MYO1E: variants seen among roughly 807,000 people sequenced by gnomAD.
The protein encoded by MYO1E is unconventional myosin-Ie.
Under a neutral mutation model 151.1 loss-of-function variants are expected in MYO1E, and 68 were observed. The ratio of observed to expected loss-of-function variants is 0.45; its 90% CI spans 0.37 to 0.55. MYO1E has a LOEUF of 0.55. MYO1E is among the 20% of genes least tolerant of loss of function. The pLI is 0.00. For synonymous variants in MYO1E, 601 were observed against 501.7 expected (o/e 1.20, Z -2.64); for missense variants, 1,363 against 1,389.3 (o/e 0.98, Z 0.30).
intron 9 of MYO1E, among the ~76,000 whole-genome samples, chr15:59,220,632 A>T (rs2079948661): frequency 6.6e-6 from 1 of 152,138 alleles, no homozygotes; most frequent in South Asian, 2.1e-4. Flanking sequence ...TCCCTCTACA[A>T]ATTTATTCCA....
At position 59,136,605 on chromosome 15, in the gene MYO1E, A is replaced by G; in HGVS notation, c.*775T>C. On this transcript the variant is annotated 3_prime_UTR_variant, in exon 28 of 28. Coordinates refer to ENST00000288235, the MANE Select transcript of MYO1E (RefSeq NM_004998.4). Reference sequence around the variant, plus strand: ...TCATACATGTTTCTACCATCTCAAGATTTTTATATATACAGTATATGATCT... The same window carrying G: ...TCATACATGTTTCTACCATCTCAAGGTTTTTATATATACAGTATATGATCT... 1 of 419,802 alleles carries G rather than the reference A, an allele frequency of 2.4e-6. No homozygotes were observed. Among genetic ancestry groups the G allele is most frequent in the Non-Finnish European group, 4.8e-6 (1 of 206,730 alleles). 26.0% of individuals were successfully genotyped at this position (419,802 alleles called of 1,614,324 possible). A position where few individuals can be genotyped will look rare whatever the true frequency, so the allele number is the denominator to read the frequency against.
At chr15:59,370,925 A>G (rs2080940737) in intron 1 of MYO1E, among the ~76,000 whole-genome samples, 1 of 152,184 alleles carries the variant, frequency 6.6e-6, no homozygotes, top group South Asian at 2.1e-4. Context: ...TCAAGGGACC[A>G]GGTGCCCAGT....
Position 59,224,648 on chromosome 15 carries a change from T to C in MYO1E, c.777+41A>G, listed in dbSNP as rs371368875. The C allele has an allele frequency of 1.1e-5, 18 of 1,613,564 alleles. No individual in the cohort carries two copies. The East Asian group carries it at 1.6e-4, about 14-fold the overall frequency. The stretch of plus-strand genomic sequence containing the variant: ...CCTTTTGGCCACAGGAAATGGCCAG[T>C]TGGGAGAGCAGATCCTGCCTGGCCC... On this transcript the variant is annotated intron_variant, in intron 8 of 27. Transcript: ENST00000288235.
chr15:59,340,562 G>A (rs1352401946), intron 1 of MYO1E, among the ~76,000 whole-genome samples: 2 of 152,156 alleles, frequency 1.3e-5, no homozygotes, highest in Admixed American at 1.3e-4. Flanking sequence ...AATAACAGTA[G>A]CATCAAATGA....
rs1270744817 is a variant in MYO1E at position 59,158,273 on chromosome 15, CG to C, written c.2878+13del. The C allele has an allele frequency of 6.5e-6, 10 of 1,544,396 alleles. No individual in the cohort carries two copies. The African/African-American group carries it at 1.1e-4, about 17-fold the overall frequency. ...GATTTAGTGGTCCCAGACTACGGTACGTAGCTGGCTTACCTGGGGGAGGAGG... is the reference window on the plus strand; with the variant it reads ...GATTTAGTGGTCCCAGACTACGGTACTAGCTGGCTTACCTGGGGGAGGAGG... On this transcript the variant is annotated intron_variant, in intron 25 of 27. Transcript: ENST00000288235.
intron 18 of MYO1E, among the ~76,000 whole-genome samples, chr15:59,181,186 C>T (rs563261556): frequency 5.9e-5 from 9 of 152,296 alleles, no homozygotes; most frequent in African/African-American, 1.9e-4. Flanking sequence ...TGAAGTGGAA[C>T]GCCTTTGCTG....
At chr15:59,343,699 CTTTT>C (rs756277898) in intron 1 of MYO1E, among the ~76,000 whole-genome samples, 1 of 151,754 alleles carries the variant, frequency 6.6e-6, no homozygotes, top group Non-Finnish European at 1.5e-5. Context: ...CTTTTTTATT[CTTTT>C]TTCTTTTGTC....
At chr15:59,151,044 CACACA>C (rs2079473794) in intron 26 of MYO1E, among the ~76,000 whole-genome samples, 1 of 131,820 alleles carries the variant, frequency 7.6e-6, no homozygotes, top group African/African-American at 3.8e-5. Context: ...CACACACACA[CACACA>C]CGCGCGCGCG....
intron 2 of MYO1E, among the ~76,000 whole-genome samples, chr15:59,269,884 C>T (rs915011788): frequency 6.6e-6 from 1 of 151,892 alleles, no homozygotes; most frequent in Non-Finnish European, 1.5e-5. Context: ...GCACAGGTAT[C>T]TGGAGCAGAA....
intron 11 of MYO1E, 74 bp downstream of exon 11, chr15:59,214,566 C>A: frequency 7.5e-7 from 1 of 1,335,360 alleles, no homozygotes; most frequent in Non-Finnish European, 1.1e-6. Context: ...TTTTGCATTG[C>A]CTAGAATTAT....
chr15:59,154,777 T>C (rs570514328), intron 25 of MYO1E, among the ~76,000 whole-genome samples: 134 of 152,336 alleles, frequency 8.8e-4, no homozygotes, highest in Middle Eastern at 3.4e-3. Context: ...AGAATCTGCT[T>C]GGTGGCTTCC....
chr15:59,134,496 CCTCT>C lies in MYO1E; in HGVS notation c.*2880_*2883del, dbSNP rs1209432977. The C allele has an allele frequency of 3.9e-5, 6 of 152,338 alleles. No individual in the cohort carries two copies. Among genetic ancestry groups the C allele is most frequent in the East Asian group, 1.9e-4 (1 of 5,190 alleles). The allele number at this position is 152,338 out of a possible 1,614,324, so 9.4% of individuals were successfully genotyped here. A position where few individuals can be genotyped will look rare whatever the true frequency, so the allele number is the denominator to read the frequency against. On this transcript the variant is annotated 3_prime_UTR_variant, in exon 28 of 28. Transcript: ENST00000288235. ...TTTGATCCCAGGAGTTTCAGATCAG[CCTCT>C]CTCTGTCTCACAGACGGCCATCAGT... is the stretch of plus-strand genomic sequence containing the variant.
chr15:59,261,990 T>G (rs944896676), intron 2 of MYO1E, among the ~76,000 whole-genome samples: 4 of 152,002 alleles, frequency 2.6e-5, no homozygotes, highest in Admixed American at 2.0e-4. Context: ...TCATTTGAGG[T>G]CAGGAGCTCG....
At chr15:59,235,957 A>C (rs530167350) in intron 5 of MYO1E, among the ~76,000 whole-genome samples, 1 of 152,218 alleles carries the variant, frequency 6.6e-6, no homozygotes, top group Admixed American at 6.5e-5. Flanking sequence ...TGAGTAATTT[A>C]TATTTCCTTT....
chr15:59,303,985 T>TC (rs1250580026), intron 1 of MYO1E, among the ~76,000 whole-genome samples: 5 of 148,234 alleles, frequency 3.4e-5, no homozygotes, highest in African/African-American at 7.3e-5. Context: ...TTTCTTTCTT[T>TC]TTTTTTTTTT....
At chr15:59,176,612 C>T (rs562923542) in intron 19 of MYO1E, among the ~76,000 whole-genome samples, 4 of 152,052 alleles carry the variant, frequency 2.6e-5, no homozygotes, top group Non-Finnish European at 4.4e-5. Flanking sequence ...CAGGCGTGTA[C>T]CACCACACCC....
intron 24 of MYO1E, among the ~76,000 whole-genome samples, chr15:59,160,340 T>C (rs935010501): frequency 1.2e-4 from 13 of 112,564 alleles, no homozygotes; most frequent in East Asian, 9.8e-4. Flanking sequence ...GTAGTGCGTG[T>C]GTGTGTGTGT....
At position 59,350,054 on chromosome 15, in the gene MYO1E, T is replaced by C. The variant is rs1193138735; in HGVS notation, c.3+22444A>G. On this transcript the variant is annotated intron_variant, in intron 1 of 27. Coordinates refer to ENST00000288235, the MANE Select transcript of MYO1E (RefSeq NM_004998.4). This position sits in a 1 kb window ranked among gnomAD's most constrained non-coding sequence, Gnocchi z 5.0. ...GTGGTGCGTTACATAGTCCCAATGGTGGTATCTAAGGCATTTTATAATTTT... is the reference window on the plus strand; with the variant it reads ...GTGGTGCGTTACATAGTCCCAATGGCGGTATCTAAGGCATTTTATAATTTT... 6.6e-6 allele frequency among the ~76,000 whole-genome samples: 1 copy of C among 152,176 alleles called. No homozygotes were observed. Among genetic ancestry groups the C allele is most frequent in the Non-Finnish European group, 1.5e-5 (1 of 68,030 alleles).
intron 26 of MYO1E, among the ~76,000 whole-genome samples, chr15:59,151,820 G>C (rs575684404): frequency 6.6e-5 from 10 of 152,040 alleles, no homozygotes; most frequent in Non-Finnish European, 1.2e-4. Flanking sequence ...GGCCAAGGCG[G>C]GTGGATCACG....
Sources: gnomAD v4.1 joint callset for allele counts (sites outside exome capture counted in the v4.1 genomes callset) on GRCh38, gnomAD v4.1.1 for gene constraint, Gnocchi (gnomAD v3.1) non-coding constraint, MANE v1.5 for transcripts, NCBI Gene and HGNC (gene_info 2026-07-23, HGNC 2026-07-21) for gene names.